Variants in PTPN2 observed in about 807,000 individuals in gnomAD.
PTPN2 encodes the protein tyrosine-protein phosphatase non-receptor type 2.
PTPN2 carries 19 observed loss-of-function variants against 57.3 expected under a neutral mutation model. The ratio of observed to expected loss-of-function variants is 0.33; its 90% CI spans 0.23 to 0.49. The LOEUF (loss-of-function observed/expected upper bound fraction) is 0.49, where lower values mean the gene tolerates loss of function less well. Among genes scored for constraint, PTPN2 ranks in the 20% least tolerant of loss-of-function variants. The pLI, the probability that PTPN2 is intolerant of heterozygous loss-of-function variation, is 0.99. For synonymous variants in PTPN2, 153 were observed against 164.9 expected, an observed-to-expected ratio of 0.93 and a Z score of 0.55; for missense variants, 358 against 501.1, an observed-to-expected ratio of 0.71 and a Z score of 2.73.
chr18:12,806,582 A>G (rs2041659055), intron 7 of PTPN2, among the ~76,000 whole-genome samples: 1 of 152,170 alleles, frequency 6.6e-6, no homozygotes, highest in Non-Finnish European at 1.5e-5. Context: ...GCATGCTACT[A>G]TCATAAGAAC....
chr18:12,852,348 T>C (rs1487660215), intron 2 of PTPN2, among the ~76,000 whole-genome samples: 4 of 152,126 alleles, frequency 2.6e-5, no homozygotes, highest in Non-Finnish European at 5.9e-5. Flanking sequence ...ATCTCAAAAT[T>C]TGGTGGTAGT....
chr18:12,794,239 A>T lies in PTPN2; in HGVS notation c.*39T>A. ...CCCCTATGATTAATGTAGCACTGTC[A>T]GTTACTAGTGCAGAAGCTTGCTGGG... is the stretch of plus-strand genomic sequence containing the variant. On this transcript the variant is annotated 3_prime_UTR_variant, in exon 9 of 9. Coordinates refer to ENST00000309660, the MANE Select transcript of PTPN2 (RefSeq NM_002828.4). 1 of 1,612,792 alleles carries T rather than the reference A, an allele frequency of 6.2e-7. No individual in the cohort carries two copies. Among genetic ancestry groups the T allele is most frequent in the South Asian group, 1.1e-5 (1 of 90,942 alleles).
rs1188209060 is a variant in PTPN2 at position 12,793,573 on chromosome 18, A to T, written c.*705T>A. 1 of 978,498 alleles carries T rather than the reference A, an allele frequency of 1.0e-6. No homozygotes were observed. The highest frequency in any genetic ancestry group is 1.2e-6 in the Non-Finnish European group (1 of 823,240). 60.6% of individuals were successfully genotyped at this position (978,498 alleles called of 1,614,324 possible). On this transcript the variant is annotated 3_prime_UTR_variant, in exon 9 of 9. Coordinates refer to ENST00000309660, the MANE Select transcript of PTPN2 (RefSeq NM_002828.4). ...TTGCTTTTCTTTTTAAAATGGGGAA[A>T]ACTGTAAAACATAAAAGAAATGCAA... is the stretch of plus-strand genomic sequence containing the variant.
downstream of PTPN2, chr18:12,788,242 T>A (rs1195016744): frequency 6.5e-6 from 1 of 153,084 alleles, no homozygotes; most frequent in African/African-American, 2.4e-5. Context: ...TCCTGTGCAA[T>A]TCTTGGAGCT....
intron 1 of PTPN2, among the ~76,000 whole-genome samples, chr18:12,874,440 C>T (rs1598895971): frequency 6.8e-6 from 1 of 147,508 alleles, no homozygotes; most frequent in South Asian, 2.1e-4. Context: ...CCTGCCGCCT[C>T]GTCCGGGAGG....
chr18:12,883,963 AGCGAGAGGCTAGAG>A (rs1276719034), intron 1 of PTPN2, 96 bp downstream of exon 1: 47 of 950,658 alleles, frequency 4.9e-5, no homozygotes, highest in Middle Eastern at 2.8e-4. Context: ...TTCCGCCCCG[AGCGAGAGGCTAGAG>A]GCGAGAGGCG....
chr18:12,857,682 C>T (rs370763009), intron 2 of PTPN2, among the ~76,000 whole-genome samples: 1 of 152,092 alleles, frequency 6.6e-6, no homozygotes, highest in East Asian at 1.9e-4. Flanking sequence ...AGAATTACTG[C>T]CCACACCCGC....
intron 5 of PTPN2, among the ~76,000 whole-genome samples, chr18:12,824,043 A>T (rs1486918355): frequency 6.6e-6 from 1 of 152,254 alleles, no homozygotes; most frequent in Non-Finnish European, 1.5e-5. Context: ...TACCAAGAGA[A>T]GATGATTCAG....
At chr18:12,838,724 AAAAG>A (rs2042951903) in intron 2 of PTPN2, among the ~76,000 whole-genome samples, 2 of 151,958 alleles carry the variant, frequency 1.3e-5, no homozygotes, top group African/African-American at 2.4e-5. Flanking sequence ...ATAATACTAA[AAAAG>A]AAAGGTAATC....
chr18:12,792,153 G>A lies in PTPN2; in HGVS notation c.*2125C>T, dbSNP rs1178132618. The A allele has an allele frequency of 9.6e-6, 8 of 835,412 alleles. No homozygotes were observed. Among genetic ancestry groups the A allele is most frequent in the Non-Finnish European group, 1.0e-5 (7 of 692,832 alleles). 51.7% of individuals were successfully genotyped at this position (835,412 alleles called of 1,614,324 possible). On this transcript the variant is annotated 3_prime_UTR_variant, in exon 9 of 9. Transcript: ENST00000309660. ...ATACTGAATCAGGACACAGGCACAT[G>A]TTATATAAATCTTATTTAATATGTA...
At chr18:12,823,445 G>A (rs1270386387) in intron 5 of PTPN2, among the ~76,000 whole-genome samples, 6 of 152,158 alleles carry the variant, frequency 3.9e-5, no homozygotes, top group Admixed American at 6.6e-5. Context: ...AGGCTGAGGC[G>A]GGCAGATCAC....
intron 4 of PTPN2, among the ~76,000 whole-genome samples, chr18:12,829,888 CA>C (rs2042608997): frequency 6.6e-6 from 1 of 152,144 alleles, no homozygotes; most frequent in Admixed American, 6.5e-5. Context: ...ATGAATAACA[CA>C]TTACCCACCA....
chr18:12,840,776 T>C (rs751413029), intron 2 of PTPN2: 1 of 1,598,498 alleles, frequency 6.3e-7, no homozygotes, highest in Admixed American at 1.7e-5. Flanking sequence ...TTTACCATCC[T>C]TTCCATACAT....
chr18:12,857,098 G>A (rs923111095), intron 2 of PTPN2, among the ~76,000 whole-genome samples: 6 of 148,300 alleles, frequency 4.0e-5, no homozygotes, highest in African/African-American at 9.9e-5. Context: ...AGATCAATTC[G>A]ATAAAACTAA....
At chr18:12,865,651 TAAAAAGAGTGAGCTGGGC>T (rs1467129092) in intron 1 of PTPN2, among the ~76,000 whole-genome samples, 2 of 151,206 alleles carry the variant, frequency 1.3e-5, no homozygotes, top group Non-Finnish European at 2.9e-5. Flanking sequence ...TCTACTAAAA[TAAAAAGAGTGAGCTGGGC>T]AAAAAGAGTG....
intron 2 of PTPN2, chr18:12,840,671 A>G (rs2043014602): frequency 1.3e-6 from 2 of 1,588,302 alleles, no homozygotes; most frequent in African/African-American, 1.3e-5. Flanking sequence ...AACACACTAG[A>G]GCACAAAAAT....
At chr18:12,864,185 C>A (rs900113999) in intron 1 of PTPN2, 1 of 100,400 alleles carries the variant, frequency 1.0e-5, no homozygotes, top group Non-Finnish European at 2.0e-5. Flanking sequence ...TATTAATACA[C>A]GCTATTTGGT....
At chr18:12,851,885 TCTGA>T (rs151017898) in intron 2 of PTPN2, among the ~76,000 whole-genome samples, 276 of 152,284 alleles carry the variant, frequency 1.8e-3, no homozygotes, top group African/African-American at 5.8e-3. Context: ...TCCTTTAAAA[TCTGA>T]CTGTTTCACA....
chr18:12,834,723 G>A (rs4797705), intron 3 of PTPN2, among the ~76,000 whole-genome samples: 142,896 of 149,438 alleles, frequency 0.96, 68,598 homozygotes, highest in South Asian at 1. Context: ...GACTGGAGGA[G>A]AAAAAAAAAA....
Sources: allele counts gnomAD v4.1 joint callset (sites outside exome capture counted in the v4.1 genomes callset), GRCh38; gene constraint gnomAD v4.1.1; transcripts MANE v1.5; gene names NCBI Gene and HGNC (gene_info 2026-07-23, HGNC 2026-07-21).